ANKRA2: variants seen among roughly 807,000 people sequenced by gnomAD.
The protein encoded by ANKRA2 is ankyrin repeat family A protein 2.
A neutral mutation model predicts 37.8 loss-of-function variants in ANKRA2; 33 were observed. The ratio of observed to expected loss-of-function variants is 0.87; its 90% CI spans 0.66 to 1.17. ANKRA2 has a LOEUF of 1.17. ANKRA2 is among the 50% of genes most tolerant of loss of function. The probability of loss-of-function intolerance (pLI) is 0.00; values close to 1 mark genes in which losing one functional copy is unlikely to be tolerated. For synonymous variants in ANKRA2, 126 were observed against 132.3 expected (o/e 0.95, Z 0.33); for missense variants, 326 against 373.7 (o/e 0.87, Z 1.05).
At chr5:73,558,751 T>G (rs1747467426) in intron 3 of ANKRA2, among the ~76,000 whole-genome samples, 1 of 152,136 alleles carries the variant, frequency 6.6e-6, no homozygotes. Context: ...TGCCCAGGTC[T>G]TCAACTCCTG....
intron 1 of ANKRA2, among the ~76,000 whole-genome samples, chr5:73,563,729 C>T (rs1321416733): frequency 6.6e-6 from 1 of 150,424 alleles, no homozygotes; most frequent in African/African-American, 2.4e-5. Flanking sequence ...TTAATAACAT[C>T]CAGTTAATTT....
intron 4 of ANKRA2, among the ~76,000 whole-genome samples, chr5:73,556,375 A>C (rs1747398073): frequency 6.6e-6 from 1 of 152,242 alleles, no homozygotes; most frequent in South Asian, 2.1e-4. Context: ...AAACTCTTTG[A>C]TCAGACTCCC....
chr5:73,556,059 A>G (rs1747391333), intron 4 of ANKRA2, among the ~76,000 whole-genome samples: 1 of 152,204 alleles, frequency 6.6e-6, no homozygotes, highest in African/African-American at 2.4e-5. Context: ...AAACTTATTG[A>G]ATCTTATTGA....
intron 5 of ANKRA2, 133 bp from the exon 6 acceptor site, chr5:73,555,119 T>C (rs1216270888): frequency 1.0e-5 from 15 of 1,448,494 alleles, no homozygotes; most frequent in Non-Finnish European, 2.7e-6. Context: ...TAATGGAAAC[T>C]TTTACTCATG....
chr5:73,561,365 A>C, intron 2 of ANKRA2, 77 bp from the exon 3 acceptor site: 4 of 1,374,292 alleles, frequency 2.9e-6, no homozygotes, highest in Non-Finnish European at 4.1e-6. Context: ...TTTGAAAAGA[A>C]ATACATGAGG....
At chr5:73,560,681 C>T (rs1029461273) in intron 3 of ANKRA2, among the ~76,000 whole-genome samples, 1 of 152,168 alleles carries the variant, frequency 6.6e-6, no homozygotes, top group African/African-American at 2.4e-5. Flanking sequence ...CCACCATGCC[C>T]AGCCTTCAGT....
At chr5:73,562,550 A>C (rs1183513933) in intron 2 of ANKRA2, 43 bp downstream of exon 2, 1 of 1,519,572 alleles carries the variant, frequency 6.6e-7, no homozygotes, top group Non-Finnish European at 8.8e-7. Context: ...CCAAATATAC[A>C]AAAACAAAAA....
intron 3 of ANKRA2, 83 bp from the exon 4 acceptor site, chr5:73,557,723 T>C (rs947725933): frequency 9.3e-4 from 901 of 966,460 alleles, no homozygotes; most frequent in Non-Finnish European, 9.8e-4. Flanking sequence ...GTGTCACCAA[T>C]TTTCTTTTCC....
rs1221157205 is a variant in ANKRA2, at chr5:73,565,376, T to G, written c.-349A>C. The G allele has an allele frequency of 6.3e-6, 1 of 158,810 alleles. No individual in the cohort carries two copies. Among genetic ancestry groups the G allele is most frequent in the East Asian group, 1.9e-4 (1 of 5,332 alleles). The allele number at this position is 158,810 out of a possible 1,614,324, so 9.8% of individuals were successfully genotyped here. On this transcript the variant is annotated 5_prime_UTR_variant, in exon 1 of 9. Coordinates refer to ENST00000296785, the MANE Select transcript of ANKRA2 (RefSeq NM_023039.5). ...AGACAGCGAGTCGGGCCTTCCCATC[T>G]GAGGCCAGCTTCAGTACAGGCCTCC...
Position 73,565,480 on chromosome 5 carries a change from T to C in ANKRA2, c.-453A>G, listed in dbSNP as rs1279320951. The C allele has an allele frequency of 3.9e-6, 1 of 256,494 alleles. No individual in the cohort carries two copies. Among genetic ancestry groups the C allele is most frequent in the Non-Finnish European group, 7.8e-6 (1 of 128,288 alleles). 15.9% of individuals were successfully genotyped at this position (256,494 alleles called of 1,614,324 possible). A position where few individuals can be genotyped will look rare whatever the true frequency, so the allele number is the denominator to read the frequency against. The stretch of plus-strand genomic sequence containing the variant: ...CTGGCTAAAAAACGTTCCGCAGCAA[T>C]GCAGCTGAAACTTTCGGGTTTTCTT... On this transcript the variant is annotated 5_prime_UTR_variant, in exon 1 of 9. Transcript: ENST00000296785.
At chr5:73,554,186 C>A (rs990004126) in intron 7 of ANKRA2, 136 bp downstream of exon 7, 2 of 796,486 alleles carry the variant, frequency 2.5e-6, no homozygotes, top group East Asian at 5.6e-5. Flanking sequence ...GTGGCAGGTG[C>A]TCTAAGGGTG....
At chr5:73,553,345 C>G in intron 8 of ANKRA2, 61 bp downstream of exon 8, 2 of 1,264,886 alleles carry the variant, frequency 1.6e-6, no homozygotes, top group Non-Finnish European at 2.2e-6. Context: ...GTTTGGAGTA[C>G]TGGCTTATAC....
chr5:73,565,396 G>C lies in ANKRA2; in HGVS notation c.-369C>G, dbSNP rs1747705910. 1 of 213,812 alleles carries C rather than the reference G, an allele frequency of 4.7e-6. No homozygotes were observed. The highest frequency in any genetic ancestry group is 9.7e-6 in the Non-Finnish European group (1 of 103,550). The allele number at this position is 213,812 out of a possible 1,614,324, so 13.2% of individuals were successfully genotyped here. ...CCATCTGAGGCCAGCTTCAGTACAG[G>C]CCTCCAAGCCCGGGCTTGTTTTGGC... On this transcript the variant is annotated 5_prime_UTR_variant, in exon 1 of 9. Transcript: ENST00000296785.
At chr5:73,561,045 G>T in intron 3 of ANKRA2, 85 bp downstream of exon 3, 3 of 1,314,618 alleles carry the variant, frequency 2.3e-6, no homozygotes, top group Non-Finnish European at 2.1e-6. Flanking sequence ...CAGAAAATAT[G>T]CATTTAATGA....
chr5:73,560,895 T>C (rs1367966391), intron 3 of ANKRA2, among the ~76,000 whole-genome samples: 1 of 152,212 alleles, frequency 6.6e-6, no homozygotes, highest in Non-Finnish European at 1.5e-5. Flanking sequence ...GATCGTGTGG[T>C]ATTTGTCTTT....
chr5:73,561,240 T>C lies in ANKRA2; in HGVS notation c.338A>G (p.His113Arg), dbSNP rs1026552785. 16 of 1,613,342 alleles carry C rather than the reference T, an allele frequency of 9.9e-6. No homozygotes were observed. Among genetic ancestry groups the C allele is most frequent in the Non-Finnish European group, 1.4e-5 (16 of 1,179,512 alleles). ...TSPSPGIQVR[H>R]VYTPSTTKHF... Reference sequence around the variant, plus strand: ...CTTTGTTGTAGAGGGGGTGTAGACATGCCTTACTTGAATTCCCGGAGAAGG... The same window carrying C: ...CTTTGTTGTAGAGGGGGTGTAGACACGCCTTACTTGAATTCCCGGAGAAGG... The change falls in exon 3 of 9, where the codon CAT (histidine) becomes CGT (arginine). Residue 113 changes from histidine (H) to arginine (R), a missense_variant. By Grantham distance (29) the His-to-Arg change is conservative. This residue lies in a region of ANKRA2 where 228 missense variants were observed against 260.2 expected (regional missense o/e 0.88). Coordinates refer to ENST00000296785, the MANE Select transcript of ANKRA2 (RefSeq NM_023039.5).
intron 1 of ANKRA2, among the ~76,000 whole-genome samples, chr5:73,563,207 G>A (rs900871557): frequency 2.0e-5 from 3 of 152,152 alleles, no homozygotes; most frequent in African/African-American, 4.8e-5. Context: ...CTGAGCTTCC[G>A]TGTCATTTAT....
chr5:73,563,050 C>A (rs2112024766), intron 1 of ANKRA2, 65 bp from the exon 2 acceptor site: 1 of 579,828 alleles, frequency 1.7e-6, no homozygotes, highest in East Asian at 3.0e-5. Context: ...ACAAAATAAT[C>A]ATTTTCAATC....
chr5:73,561,130 A>T lies in ANKRA2; in HGVS notation c.448T>A (p.Ser150Thr). The part of the protein sequence containing the change: ...EVSTTPLLAN[S>T]LSVHQLAAQG... ...TAATACATCAGTGGCAAATACTTACAATTTGCTAACAGAGGTGTGGTAGAG... is the reference window on the plus strand; with the variant it reads ...TAATACATCAGTGGCAAATACTTACTATTTGCTAACAGAGGTGTGGTAGAG... The change falls in exon 3 of 9, where the codon TCT (serine) becomes ACT (threonine). Residue 150 changes from serine (S) to threonine (T), a missense_variant and splice_region_variant. Ser to Thr is a moderately conservative substitution (Grantham distance 58, BLOSUM62 1). This residue lies in a region of ANKRA2 where 228 missense variants were observed against 260.2 expected (regional missense o/e 0.88). Coordinates refer to ENST00000296785, the MANE Select transcript of ANKRA2 (RefSeq NM_023039.5). 1 of 1,607,290 alleles carries T rather than the reference A, an allele frequency of 6.2e-7. No individual in the cohort carries two copies. The highest frequency in any genetic ancestry group is 8.5e-7 in the Non-Finnish European group (1 of 1,178,040).
Sources: gnomAD v4.1 joint callset for allele counts (sites outside exome capture counted in the v4.1 genomes callset) on GRCh38, gnomAD v4.1.1 for gene constraint, gnomAD v4.1.1 regional missense constraint, MANE v1.5 for transcripts, NCBI Gene and HGNC (gene_info 2026-07-23, HGNC 2026-07-21) for gene names.